ETNPPL: variants seen among roughly 807,000 people sequenced by gnomAD.
ETNPPL encodes the protein alanine--glyoxylate aminotransferase 2-like 1.
In ETNPPL, 30 loss-of-function variants were observed where a neutral mutation model predicts 55.5. That is an observed-to-expected ratio of 0.54 (90% confidence interval 0.40 to 0.73). ETNPPL has a LOEUF of 0.73. Ranked by LOEUF, ETNPPL falls within the 30% of genes least tolerant of loss-of-function variation. The pLI is 0.00. For missense variants in ETNPPL, 528 were observed against 607.9 expected (o/e 0.87, Z 1.38); for synonymous variants, 202 against 207.2 (o/e 0.98, Z 0.21).
intron 6 of ETNPPL, among the ~76,000 whole-genome samples, chr4:108,752,516 C>T (rs1179207174): frequency 6.6e-6 from 1 of 152,186 alleles, no homozygotes; most frequent in Non-Finnish European, 1.5e-5. Context: ...TCAAGGGAAG[C>T]ACCAAGGCTC....
At chr4:108,747,428 A>G (rs562784180) in intron 9 of ETNPPL, among the ~76,000 whole-genome samples, 12 of 149,504 alleles carry the variant, frequency 8.0e-5, no homozygotes, top group Admixed American at 4.0e-4. Context: ...AAGCCAGGAA[A>G]GACATATACC....
Position 108,753,017 on chromosome 4 carries a change from A to G in ETNPPL, c.502-6T>C, listed in dbSNP as rs1364472516. The stretch of plus-strand genomic sequence containing the variant: ...TAAGTATCTGGAGTTGGTGCCTGAA[A>G]ACATCAAATAATGCAGTTGCTTGTA... On this transcript the variant is annotated splice_polypyrimidine_tract_variant and splice_region_variant and intron_variant, in intron 5 of 12. Coordinates refer to ENST00000296486, the MANE Select transcript of ETNPPL (RefSeq NM_031279.4). The G allele has an allele frequency of 6.6e-7, 1 of 1,505,948 alleles. No individual in the cohort carries two copies. The highest frequency in any genetic ancestry group is 2.3e-5 in the East Asian group (1 of 43,928). The allele number at this position is 1,505,948 out of a possible 1,614,324, so 93.3% of individuals were successfully genotyped here.
rs1728536817 is a variant in ETNPPL, at chr4:108,746,933, C to T, written c.1083-82G>A. 14 of 837,586 alleles carry T rather than the reference C, an allele frequency of 1.7e-5. 1 individual carries two copies. In the South Asian group the frequency reaches 2.2e-4, roughly 13 times the overall value. The allele number at this position is 837,586 out of a possible 1,614,324, so 51.9% of individuals were successfully genotyped here. A position where few individuals can be genotyped will look rare whatever the true frequency, so the allele number is the denominator to read the frequency against. On this transcript the variant is annotated intron_variant, in intron 9 of 12. Transcript: ENST00000296486. Reference sequence around the variant, plus strand: ...AAAAGTTAACACTATCACCAAACTTCCATTTAATTTCCAAGTTTAATTCTA... The same window carrying T: ...AAAAGTTAACACTATCACCAAACTTTCATTTAATTTCCAAGTTTAATTCTA...
At chr4:108,743,927 C>A (rs1026858965) in intron 11 of ETNPPL, 71 bp from the exon 12 acceptor site, 1 of 931,014 alleles carries the variant, frequency 1.1e-6, no homozygotes, top group Non-Finnish European at 1.7e-6. Flanking sequence ...TTTTTGGTAT[C>A]TTAGCAATAC....
At chr4:108,760,961 G>A (rs1020558411) in intron 1 of ETNPPL, among the ~76,000 whole-genome samples, 8 of 152,084 alleles carry the variant, frequency 5.3e-5, no homozygotes, top group Admixed American at 6.6e-5. Context: ...TAAATACTAC[G>A]CAGGAAGTTT....
intron 1 of ETNPPL, 104 bp downstream of exon 1, chr4:108,762,739 C>T: frequency 2.9e-6 from 4 of 1,369,876 alleles, no homozygotes; most frequent in Non-Finnish European, 4.2e-6. Context: ...GCACGGAGTG[C>T]GGCTGCAGCG....
chr4:108,753,256 A>G (rs1728998974), intron 5 of ETNPPL, among the ~76,000 whole-genome samples: 1 of 152,208 alleles, frequency 6.6e-6, no homozygotes, highest in Non-Finnish European at 1.5e-5. Flanking sequence ...CCCTCCTCAC[A>G]TAAATAGAAC....
At chr4:108,752,871 G>A (rs1322370296) in intron 6 of ETNPPL, 24 bp downstream of exon 6, 1 of 1,306,576 alleles carries the variant, frequency 7.7e-7, no homozygotes, top group East Asian at 2.3e-5. Flanking sequence ...ATGTTGAGAT[G>A]TTTCCAAAGC....
intron 10 of ETNPPL, 113 bp downstream of exon 10, chr4:108,746,649 G>C: frequency 6.8e-7 from 1 of 1,460,718 alleles, no homozygotes; most frequent in Non-Finnish European, 9.5e-7. Flanking sequence ...TTATAAATAG[G>C]ATGTATTTAA....
rs754086990 is a variant in ETNPPL at position 108,742,455 on chromosome 4, A to G, written c.*29T>C. On this transcript the variant is annotated 3_prime_UTR_variant, in exon 13 of 13. Transcript: ENST00000296486. ...CTACTCATTCTCTGTAACTCTGGAC[A>G]TCGCATCTTGCTTTAAAATGCAAAT... The G allele has an allele frequency of 6.8e-6, 11 of 1,612,970 alleles. No homozygotes were observed. The highest frequency in any genetic ancestry group is 2.2e-5 in the East Asian group (1 of 44,886).
chr4:108,762,598 C>T, intron 1 of ETNPPL: 1 of 630,690 alleles, frequency 1.6e-6, no homozygotes, highest in East Asian at 2.7e-5. Flanking sequence ...CGCTAGTCCG[C>T]CGGCTGCAGA....
chr4:108,748,100 A>C lies in ETNPPL; in HGVS notation c.987T>G (p.Asn329Lys). Residue 329 changes from asparagine to lysine, a missense_variant, in exon 9 of 13, where the codon AAT (asparagine) becomes AAG (lysine). Transcript: ENST00000296486. ...TCTTGGCATTTCCTTGAAGGTCTTC[A>C]TTTTCAATTATATCCAGGACAGCCA... ...VGLAVLDIIE[N>K]EDLQGNAKRV... 1.2e-6 allele frequency: 2 copies of C among 1,611,758 alleles called. No homozygotes were observed. The highest frequency in any genetic ancestry group is 1.7e-6 in the Non-Finnish European group (2 of 1,179,072).
At chr4:108,746,305 A>G (rs1414999724) in intron 11 of ETNPPL, 94 bp downstream of exon 11, 10 of 1,134,716 alleles carry the variant, frequency 8.8e-6, no homozygotes, top group Non-Finnish European at 9.6e-6. Context: ...ATCATGAATA[A>G]CAAGATGCAT....
chr4:108,753,976 T>TTC (rs1729077141), intron 5 of ETNPPL, among the ~76,000 whole-genome samples: 1 of 138,024 alleles, frequency 7.2e-6, no homozygotes, highest in African/African-American at 2.9e-5. Context: ...TTCTTTTCTT[T>TTC]TTTTTTTTTT....
At position 108,748,064 on chromosome 4, in the gene ETNPPL, A is replaced by T; in HGVS notation, c.1023T>A (p.Asn341Lys). The change falls in exon 9 of 13, where the codon AAT becomes AAA. Residue 341 changes from asparagine to lysine, a missense_variant. Asn to Lys is a moderately conservative substitution (Grantham distance 94). Transcript: ENST00000296486. ...DLQGNAKRVG[N>K]YLTELLKKQK... is the part of the protein sequence containing the mutation. ...GTTTTTTCAGTAACTCAGTGAGATA[A>T]TTCCCTACTCTCTTGGCATTTCCTT... is the stretch of plus-strand genomic sequence containing the variant. 6.2e-7 allele frequency: 1 copy of T among 1,612,148 alleles called. No homozygotes were observed. Among genetic ancestry groups the T allele is most frequent in the Non-Finnish European group, 8.5e-7 (1 of 1,179,018 alleles).
rs1483776522 is a variant in ETNPPL at position 108,746,542 on chromosome 4, G to A, written c.1173-13C>T. On this transcript the variant is annotated splice_polypyrimidine_tract_variant and intron_variant, in intron 10 of 12. Transcript: ENST00000296486. ...TTTTTCTTTCATCCTAATTTGTGTA[G>A]GAAATACATGTGAGTGTATGCAAAG... The A allele has an allele frequency of 1.9e-6, 3 of 1,610,878 alleles. No individual in the cohort carries two copies. Among genetic ancestry groups the A allele is most frequent in the Non-Finnish European group, 2.5e-6 (3 of 1,179,250 alleles).
Position 108,754,694 on chromosome 4 carries a change from G to C in ETNPPL, c.427C>G (p.Leu143Val). ...GGGCTAATCTCAATTAAGGATGATA[G>C]GTGACCATGGTAAGCACTGAAGAGA... ...ITLDHAYHGH[L>V]SSLIEISPYK... is the part of the protein sequence containing the mutation. Residue 143 changes from leucine (L) to valine (V), a missense_variant, in exon 5 of 13, where the codon CTA becomes GTA. Leu to Val is a conservative substitution (Grantham distance 32). Transcript: ENST00000296486. 4 of 1,587,698 alleles carry C rather than the reference G, an allele frequency of 2.5e-6. No individual in the cohort carries two copies. Among genetic ancestry groups the C allele is most frequent in the Non-Finnish European group, 3.5e-6 (4 of 1,158,828 alleles).
At chr4:108,753,143 T>C (rs997723642) in intron 5 of ETNPPL, 132 bp from the exon 6 acceptor site, 27 of 589,790 alleles carry the variant, frequency 4.6e-5, no homozygotes, top group African/African-American at 4.2e-4. Context: ...TTTTTTGTTC[T>C]TTTTTTCCCT....
At position 108,742,625 on chromosome 4, in the gene ETNPPL, C is replaced by A; in HGVS notation, c.1372-13G>T. Reference sequence around the variant, plus strand: ...CTTCTTTCAGCATCTGCAAGACAGGCACACAAAGCTCCAGTGGGCATCCAC... The same window carrying A: ...CTTCTTTCAGCATCTGCAAGACAGGAACACAAAGCTCCAGTGGGCATCCAC... On this transcript the variant is annotated splice_polypyrimidine_tract_variant and intron_variant, in intron 12 of 12. Transcript: ENST00000296486. 6.2e-7 allele frequency: 1 copy of A among 1,613,502 alleles called. No individual in the cohort carries two copies. The highest frequency in any genetic ancestry group is 8.5e-7 in the Non-Finnish European group (1 of 1,179,912).
Sources: allele counts gnomAD v4.1 joint callset (sites outside exome capture counted in the v4.1 genomes callset), GRCh38; gene constraint gnomAD v4.1.1; transcripts MANE v1.5; gene names NCBI Gene and HGNC (gene_info 2026-07-23, HGNC 2026-07-21).